The following LRRC24 variants were observed in gnomAD, a reference collection of about 807,000 sequenced individuals.
LRRC24 encodes the protein leucine-rich repeat-containing protein 24.
LRRC24 carries 19 observed loss-of-function variants against 15.3 expected under a neutral mutation model. That is an observed-to-expected ratio of 1.25 (90% confidence interval 0.87 to 1.83). The LOEUF (loss-of-function observed/expected upper bound fraction) is 1.83, where lower values mean the gene tolerates loss of function less well. Among genes scored for constraint, LRRC24 ranks in the 40% most tolerant of loss-of-function variants. The probability of loss-of-function intolerance (pLI) is 0.00; values close to 1 mark genes in which losing one functional copy is unlikely to be tolerated. For synonymous variants in LRRC24, 469 were observed against 359.6 expected (o/e 1.30, Z -3.44); for missense variants, 914 against 723.9 (o/e 1.26, Z -3.01).
At position 144,522,511 on chromosome 8, in the gene LRRC24, GC is replaced by G; in HGVS notation, c.1505del (p.Arg502ProfsTer?). On this transcript the variant is annotated frameshift_variant, in exon 5 of 5. Transcript: ENST00000529415. LOFTEE classifies it high-confidence loss of function. ...TCTCGTAGGCGACCGGCGGGGGCAC[GC>G]GGAGTCCCGGCCCCGCCCCCTGTTC... The part of the protein sequence containing the change: ...GPEQGAGPGL[R>X]VPPPVAYEIH... 6.7e-7 allele frequency: 1 copy of G among 1,497,438 alleles called. No homozygotes were observed. The allele number at this position is 1,497,438 out of a possible 1,614,324, so 92.8% of individuals were successfully genotyped here. A position where few individuals can be genotyped will look rare whatever the true frequency, so the allele number is the denominator to read the frequency against.
rs1162524331 is a variant in LRRC24 at position 144,524,814 on chromosome 8, A to G, written c.159+2T>C. Reference sequence around the variant, plus strand: ...CCTCCCGCAGCTCCACACGGTGCCCACCTGCGTCCCTGGCGGGATTCCCAG... The same window carrying G: ...CCTCCCGCAGCTCCACACGGTGCCCGCCTGCGTCCCTGGCGGGATTCCCAG... On this transcript the variant is annotated splice_donor_variant, in intron 2 of 4. Coordinates refer to ENST00000529415, the MANE Select transcript of LRRC24 (RefSeq NM_001024678.4). LOFTEE classifies it high-confidence loss of function. 20 of 1,464,068 alleles carry G rather than the reference A, an allele frequency of 1.4e-5. No homozygotes were observed. Among genetic ancestry groups the G allele is most frequent in the Non-Finnish European group, 7.2e-6 (8 of 1,108,686 alleles). 90.7% of individuals were successfully genotyped at this position (1,464,068 alleles called of 1,614,324 possible).
Position 144,522,464 on chromosome 8 carries a change from C to A in LRRC24, c.*11G>T. 7.1e-7 allele frequency: 1 copy of A among 1,407,568 alleles called. No homozygotes were observed. The highest frequency in any genetic ancestry group is 9.2e-7 in the Non-Finnish European group (1 of 1,088,966). 87.2% of individuals were successfully genotyped at this position (1,407,568 alleles called of 1,614,324 possible). ...ATCTCCGGCGCCCACGTCATCCGCG[C>A]GCCCGCGGCCCTAGCAGTGGATCTC... On this transcript the variant is annotated 3_prime_UTR_variant, in exon 5 of 5. Coordinates refer to ENST00000529415, the MANE Select transcript of LRRC24 (RefSeq NM_001024678.4).
rs759410316 is a variant in LRRC24 at position 144,524,441 on chromosome 8, C to T, written c.438G>A (p.Pro146=). 4.4e-6 allele frequency: 7 copies of T among 1,597,794 alleles called. No individual in the cohort carries two copies. Among genetic ancestry groups the T allele is most frequent in the Middle Eastern group, 1.7e-4 (1 of 6,038 alleles). ...GCCCCTTTAGACCCCAGGCGCTCAC[C>T]GGCAGGTGCAAGAAGGTGAAATCCA... ...RLLDFTFLHL[P]RLQELHLQEN... Residue 146 remains proline (P), a splice_region_variant and synonymous_variant, in exon 3 of 5, where the codon CCG becomes CCA. Transcript: ENST00000529415.
At position 144,522,823 on chromosome 8, in the gene LRRC24, G is replaced by A. The variant is rs769185902; in HGVS notation, c.1194C>T (p.Ala398=). 2.7e-6 allele frequency: 4 copies of A among 1,474,020 alleles called. No homozygotes were observed. Among genetic ancestry groups the A allele is most frequent in the Non-Finnish European group, 3.6e-6 (4 of 1,115,410 alleles). The allele number at this position is 1,474,020 out of a possible 1,614,324, so 91.3% of individuals were successfully genotyped here. A position where few individuals can be genotyped will look rare whatever the true frequency, so the allele number is the denominator to read the frequency against. The change falls in exon 5 of 5, where the codon GCC becomes GCT. Residue 398 remains alanine (A), a synonymous_variant. Coordinates refer to ENST00000529415, the MANE Select transcript of LRRC24 (RefSeq NM_001024678.4). ...RPEAGSMAFR[A]LGVATQTAIA... is the part of the protein sequence containing the mutation. ...TGGCCGTCTGTGTGGCCACGCCCAG[G>A]GCGCGGAAGGCCATGCTGCCCGCCT...
At position 144,522,417 on chromosome 8, in the gene LRRC24, A is replaced by G; in HGVS notation, c.*58T>C. On this transcript the variant is annotated 3_prime_UTR_variant, in exon 5 of 5. Transcript: ENST00000529415. ...CGGCTTCCACCTTTACTGACGGAGC[A>G]TGCGCGAGGCCGCACCGGCCAATCT... 1.5e-6 allele frequency: 2 copies of G among 1,375,904 alleles called. No homozygotes were observed. The highest frequency in any genetic ancestry group is 1.9e-6 in the Non-Finnish European group (2 of 1,072,686). The allele number at this position is 1,375,904 out of a possible 1,614,324, so 85.2% of individuals were successfully genotyped here.
Position 144,522,901 on chromosome 8 carries a change from G to C in LRRC24, c.1116C>G (p.Pro372=). ...VNASRQQPQQ[P]AQPPPPAARP... ...GGGCGGCCGGAGGCGGCGGTTGCGC[G>C]GGCTGCTGCGGCTGCTGCCGGGACG... The change falls in exon 5 of 5, where the codon CCC becomes CCG. Residue 372 remains proline, a synonymous_variant. Transcript: ENST00000529415. 1 of 1,311,890 alleles carries C rather than the reference G, an allele frequency of 7.6e-7. No individual in the cohort carries two copies. Among genetic ancestry groups the C allele is most frequent in the Non-Finnish European group, 9.6e-7 (1 of 1,036,938 alleles). The allele number at this position is 1,311,890 out of a possible 1,614,324, so 81.3% of individuals were successfully genotyped here. A position where few individuals can be genotyped will look rare whatever the true frequency, so the allele number is the denominator to read the frequency against.
intron 1 of LRRC24, chr8:144,526,266 G>A (rs1047552054): frequency 2.4e-4 from 37 of 152,256 alleles, no homozygotes; most frequent in African/African-American, 8.9e-4. Flanking sequence ...CCCAGGCAGA[G>A]GCAGTTCCCA....
rs755974916 is a variant in LRRC24, at chr8:144,522,731, C to T, written c.1286G>A (p.Arg429His). The T allele has an allele frequency of 1.9e-6, 3 of 1,591,886 alleles. No homozygotes were observed. The South Asian group carries it at 3.4e-5, about 18-fold the overall frequency. The change falls in exon 5 of 5, where the codon CGC becomes CAC. Residue 429 changes from arginine to histidine, a missense_variant. Coordinates refer to ENST00000529415, the MANE Select transcript of LRRC24 (RefSeq NM_001024678.4). ...LLLVAMICRR[R>H]RRRKKARGPP... ...CCCCCGCGCCTTTTTTCGCCTGCGG[C>T]GCCGGCGACAGATCATGGCGACCAG...
rs764467429 is a variant in LRRC24, at chr8:144,522,520, C to A, written c.1497G>T (p.Pro499=). 2.4e-5 allele frequency: 36 copies of A among 1,509,250 alleles called. No individual in the cohort carries two copies. In the South Asian group the frequency reaches 3.5e-4, roughly 15 times the overall value. The allele number at this position is 1,509,250 out of a possible 1,614,324, so 93.5% of individuals were successfully genotyped here. Residue 499 remains proline, a synonymous_variant, in exon 5 of 5, where the codon CCG becomes CCT. Transcript: ENST00000529415. ...CGACCGGCGGGGGCACGCGGAGTCC[C>A]GGCCCCGCCCCCTGTTCCGGGCCGC... ...ADCGPEQGAG[P]GLRVPPPVAY...
At chr8:144,526,048 C>G (rs1816347255) in intron 1 of LRRC24, 1 of 152,186 alleles carries the variant, frequency 6.6e-6, no homozygotes, top group African/African-American at 2.4e-5. Flanking sequence ...AACAGGGCTG[C>G]AGGTGTCCTG....
At chr8:144,524,028 G>A in intron 4 of LRRC24, 82 bp downstream of exon 4, 3 of 1,492,528 alleles carry the variant, frequency 2.0e-6, no homozygotes, top group Non-Finnish European at 2.7e-6. Flanking sequence ...GTTGCCTGAT[G>A]TCAGAGCCCC....
intron 1 of LRRC24, chr8:144,526,249 G>C (rs1816355315): frequency 6.6e-6 from 1 of 152,244 alleles, no homozygotes; most frequent in Non-Finnish European, 1.5e-5. Flanking sequence ...TAATGGAATA[G>C]CTTTGGCCCA....
intron 1 of LRRC24, chr8:144,526,078 C>T (rs991147251): frequency 6.6e-6 from 1 of 152,192 alleles, no homozygotes; most frequent in Non-Finnish European, 1.5e-5. Flanking sequence ...CTCATCTGGC[C>T]GGCCTCCCCA....
chr8:144,523,033 G>A lies in LRRC24; in HGVS notation c.984C>T (p.Gly328=), dbSNP rs777304825. Residue 328 remains glycine (G), a synonymous_variant, in exon 5 of 5, where the codon GGC becomes GGT. Transcript: ENST00000529415. ...GGHSASDTGS[G]MLFLSNITLA... ...GCGTGATGTTGCTGAGGAAGAGCATGCCGCTGCCCGTGTCGGATGCCGAGT... is the reference window on the plus strand; with the variant it reads ...GCGTGATGTTGCTGAGGAAGAGCATACCGCTGCCCGTGTCGGATGCCGAGT... The A allele has an allele frequency of 6.2e-7, 1 of 1,600,874 alleles. No individual in the cohort carries two copies.
intron 1 of LRRC24, chr8:144,525,963 G>C (rs951256626): frequency 1.3e-5 from 2 of 152,132 alleles, no homozygotes; most frequent in Non-Finnish European, 2.9e-5. Context: ...CTGGGGTCTG[G>C]TTTCAGGAAC....
rs576669480 is a variant in LRRC24, at chr8:144,522,448, G to C, written c.*27C>G. The C allele has an allele frequency of 1.7e-4, 243 of 1,392,678 alleles. 1 individual carries two copies. Among genetic ancestry groups the C allele is most frequent in the East Asian group, 3.6e-4 (12 of 33,430 alleles). 86.3% of individuals were successfully genotyped at this position (1,392,678 alleles called of 1,614,324 possible). ...GAGGCCGCACCGGCCAATCTCCGGCGCCCACGTCATCCGCGCGCCCGCGGC... is the reference window on the plus strand; with the variant it reads ...GAGGCCGCACCGGCCAATCTCCGGCCCCCACGTCATCCGCGCGCCCGCGGC... On this transcript the variant is annotated 3_prime_UTR_variant, in exon 5 of 5. Coordinates refer to ENST00000529415, the MANE Select transcript of LRRC24 (RefSeq NM_001024678.4).
In LRRC24 at chr8:144,523,425, G is replaced by A. The variant is rs2130790909; in HGVS notation, c.608-16C>T. 6.6e-7 allele frequency: 1 copy of A among 1,514,946 alleles called. No homozygotes were observed. Among genetic ancestry groups the A allele is most frequent in the Non-Finnish European group, 8.8e-7 (1 of 1,132,848 alleles). The allele number at this position is 1,514,946 out of a possible 1,614,324, so 93.8% of individuals were successfully genotyped here. A position where few individuals can be genotyped will look rare whatever the true frequency, so the allele number is the denominator to read the frequency against. On this transcript the variant is annotated splice_polypyrimidine_tract_variant and intron_variant, in intron 4 of 4. Transcript: ENST00000529415. ...CATGGGTTCTCTGTGGGAGAGCAGC[G>A]TTAGGCAGGTGGCTTGAGGGTGCTG...
chr8:144,524,011 C>CT, intron 4 of LRRC24, 99 bp downstream of exon 4: 7 of 1,397,330 alleles, frequency 5.0e-6, no homozygotes, highest in Non-Finnish European at 6.8e-6. Flanking sequence ...TTCCAGACTG[C>CT]TGCCCAGTTG....
chr8:144,524,961 G>A lies in LRRC24; in HGVS notation c.14C>T (p.Ala5Val), dbSNP rs1428422338. Residue 5 changes from alanine to valine, a missense_variant, in exon 2 of 5, where the codon GCC becomes GTC. Transcript: ENST00000529415. Reference sequence around the variant, plus strand: ...CAGCAGCAGCGGCAGCAGTGCGGGGGCCCTCAGGGCCATCTCCCGAGGCCC... The same window carrying A: ...CAGCAGCAGCGGCAGCAGTGCGGGGACCCTCAGGGCCATCTCCCGAGGCCC... MALR[A>V]PALLPLLLLL... 2 of 1,472,696 alleles carry A rather than the reference G, an allele frequency of 1.4e-6. No homozygotes were observed. Among genetic ancestry groups the A allele is most frequent in the Non-Finnish European group, 9.0e-7 (1 of 1,112,752 alleles). The allele number at this position is 1,472,696 out of a possible 1,614,324, so 91.2% of individuals were successfully genotyped here. A position where few individuals can be genotyped will look rare whatever the true frequency, so the allele number is the denominator to read the frequency against.
Sources: allele counts gnomAD v4.1 joint callset, GRCh38; gene constraint gnomAD v4.1.1; transcripts MANE v1.5; gene names NCBI Gene and HGNC (gene_info 2026-07-23, HGNC 2026-07-21).